Variants in SLC35F1 observed in about 807,000 individuals in gnomAD.
SLC35F1 encodes solute carrier family 35 member F1.
In SLC35F1, 14 loss-of-function variants were observed where a neutral mutation model predicts 48.7. The ratio of observed to expected loss-of-function variants is 0.29; its 90% CI spans 0.19 to 0.45. SLC35F1 has a LOEUF of 0.45. SLC35F1 is among the 20% of genes least tolerant of loss of function. The pLI is 1.00. For synonymous variants in SLC35F1, 190 were observed against 202.2 expected, an observed-to-expected ratio of 0.94 and a Z score of 0.51; for missense variants, 404 against 500.0, an observed-to-expected ratio of 0.81 and a Z score of 1.83.
chr6:117,968,031 G>A (rs1217105518), intron 1 of SLC35F1, among the ~76,000 whole-genome samples: 2 of 152,134 alleles, frequency 1.3e-5, no homozygotes, highest in African/African-American at 2.4e-5. Context: ...AGAGAGATTA[G>A]CATAAGTTCT....
chr6:118,285,010 AG>A (rs902604313), intron 6 of SLC35F1, among the ~76,000 whole-genome samples, 173 bp from the exon 7 acceptor site: 1 of 152,042 alleles, frequency 6.6e-6, no homozygotes, highest in Non-Finnish European at 1.5e-5. Flanking sequence ...TTTTTAATCT[AG>A]TTTAATTTTT....
rs1234948301 is a variant in SLC35F1 at position 118,200,268 on chromosome 6, A to G, written c.350-35241A>G. Among the ~76,000 whole-genome samples the G allele has an allele frequency of 2.6e-5, 4 of 152,206 alleles. No individual in the cohort carries two copies. The East Asian group carries it at 7.7e-4, about 29-fold the overall frequency. ...ACAGATTTTATTCAGGACTATTTCAATAGGAGAAAAGAAACCTCAGTATAG... is the reference window on the plus strand; with the variant it reads ...ACAGATTTTATTCAGGACTATTTCAGTAGGAGAAAAGAAACCTCAGTATAG... On this transcript the variant is annotated intron_variant, in intron 2 of 7. Transcript: ENST00000360388.
intron 1 of SLC35F1, among the ~76,000 whole-genome samples, chr6:117,968,070 G>A (rs1776593411): frequency 6.6e-6 from 1 of 152,144 alleles, no homozygotes; most frequent in South Asian, 2.1e-4. Context: ...AGGTGTTTAT[G>A]TGAATTGTAT....
intron 1 of SLC35F1, among the ~76,000 whole-genome samples, chr6:117,954,777 A>G (rs1388784698): frequency 6.6e-6 from 1 of 152,206 alleles, no homozygotes; most frequent in Non-Finnish European, 1.5e-5. Flanking sequence ...AGATGGTCTG[A>G]TGGTGCCTAA....
chr6:118,283,485 G>C (rs573679628), intron 6 of SLC35F1, among the ~76,000 whole-genome samples: 4 of 152,214 alleles, frequency 2.6e-5, no homozygotes, highest in African/African-American at 9.6e-5. Flanking sequence ...TACCAACAGA[G>C]CCCACAAGTC....
At chr6:117,981,895 C>G (rs1399092481) in intron 1 of SLC35F1, among the ~76,000 whole-genome samples, 1 of 151,930 alleles carries the variant, frequency 6.6e-6, no homozygotes, top group Non-Finnish European at 1.5e-5. Context: ...CCCAAGAAAT[C>G]ATTTTGGGGC....
At chr6:118,138,994 A>ACACT (rs1773841389) in intron 1 of SLC35F1, among the ~76,000 whole-genome samples, 1 of 151,452 alleles carries the variant, frequency 6.6e-6, no homozygotes, top group South Asian at 2.1e-4. Flanking sequence ...ACACACACAC[A>ACACT]CTCAAATGGA....
intron 1 of SLC35F1, among the ~76,000 whole-genome samples, chr6:117,922,104 CT>C (rs35880737): frequency 6.6e-6 from 1 of 152,134 alleles, no homozygotes; most frequent in Non-Finnish European, 1.5e-5. Context: ...CTACAAAGTA[CT>C]TTTTTTCTAA....
intron 2 of SLC35F1, among the ~76,000 whole-genome samples, chr6:118,174,638 A>C (rs1258081987): frequency 6.6e-6 from 1 of 152,152 alleles, no homozygotes; most frequent in Non-Finnish European, 1.5e-5. Flanking sequence ...AAATATTTGA[A>C]GGGATAATAG....
chr6:118,144,967 T>C (rs1242563593), intron 1 of SLC35F1, among the ~76,000 whole-genome samples: 1 of 152,192 alleles, frequency 6.6e-6, no homozygotes, highest in African/African-American at 2.4e-5. Context: ...TGTTGCGGTA[T>C]AATTTACTTA....
intron 1 of SLC35F1, among the ~76,000 whole-genome samples, chr6:118,089,966 T>A (rs893550288): frequency 1.3e-5 from 2 of 152,198 alleles, no homozygotes; most frequent in Non-Finnish European, 2.9e-5. Context: ...TGGTAATGTC[T>A]TGGAAACAGA....
At chr6:117,941,095 T>G (rs1004062298) in intron 1 of SLC35F1, among the ~76,000 whole-genome samples, 4 of 152,178 alleles carry the variant, frequency 2.6e-5, no homozygotes, top group Non-Finnish European at 1.5e-5. Flanking sequence ...GTTTATCTCC[T>G]TCTTCGTTAT....
chr6:118,077,381 A>T (rs1323507377), intron 1 of SLC35F1, among the ~76,000 whole-genome samples: 1 of 152,242 alleles, frequency 6.6e-6, no homozygotes, highest in Non-Finnish European at 1.5e-5. Context: ...CACCCTAGTA[A>T]ATACAAAAAT....
chr6:118,016,149 C>G (rs932826021), intron 1 of SLC35F1, among the ~76,000 whole-genome samples: 2 of 152,166 alleles, frequency 1.3e-5, no homozygotes, highest in Non-Finnish European at 2.9e-5. Flanking sequence ...GAATTCAGCT[C>G]AACCTTTGCT....
In SLC35F1 at chr6:118,025,475, T is replaced by C. The variant is rs116735845; in HGVS notation, c.173+117576T>C. Among the ~76,000 whole-genome samples, 1,401 of 152,288 alleles carry C rather than the reference T, an allele frequency of 9.2e-3. 29 individuals carry two copies. The highest frequency in any genetic ancestry group is 0.032 in the African/African-American group (1,315 of 41,556). On this transcript the variant is annotated intron_variant, in intron 1 of 7. Coordinates refer to ENST00000360388, the MANE Select transcript of SLC35F1 (RefSeq NM_001029858.4). ...TATTTGTCAGATTTTACCAGAAAGT[T>C]ATTCCCCTGTGGTTTCCATGCTGTG...
chr6:118,029,086 C>G (rs2114891130), intron 1 of SLC35F1, among the ~76,000 whole-genome samples: 1 of 151,388 alleles, frequency 6.6e-6, no homozygotes, highest in African/African-American at 2.4e-5. Flanking sequence ...GTCCAGAGAA[C>G]TAGTTGAGGA....
intron 2 of SLC35F1, among the ~76,000 whole-genome samples, chr6:118,196,889 C>T (rs1286149515): frequency 1.3e-5 from 2 of 151,820 alleles, no homozygotes; most frequent in African/African-American, 4.8e-5. Flanking sequence ...ATAAGGGTCC[C>T]ATTTTATTCT....
At chr6:117,970,452 T>G (rs1032028476) in intron 1 of SLC35F1, among the ~76,000 whole-genome samples, 1 of 152,154 alleles carries the variant, frequency 6.6e-6, no homozygotes, top group Non-Finnish European at 1.5e-5. Flanking sequence ...TTTTAAATAG[T>G]GTCTTTTCAG....
In SLC35F1 at chr6:117,907,502, CACGGGCGCGAGGGTGCGCG is replaced by C; in HGVS notation, c.-224_-206del. On this transcript the variant is annotated 5_prime_UTR_variant, in exon 1 of 8. Transcript: ENST00000360388. The stretch of plus-strand genomic sequence containing the variant: ...CCGGGGCGGGCGGCGGCGGCGGCGG[CACGGGCGCGAGGGTGCGCG>C]CACTGGGACTGGAGAGGAGTGAGTG... 3.6e-6 allele frequency: 1 copy of C among 279,078 alleles called. No homozygotes were observed. Among genetic ancestry groups the C allele is most frequent in the Non-Finnish European group, 6.6e-6 (1 of 152,056 alleles). 17.3% of individuals were successfully genotyped at this position (279,078 alleles called of 1,614,324 possible). A position where few individuals can be genotyped will look rare whatever the true frequency, so the allele number is the denominator to read the frequency against.
Sources: allele counts gnomAD v4.1 joint callset (sites outside exome capture counted in the v4.1 genomes callset), GRCh38; gene constraint gnomAD v4.1.1; transcripts MANE v1.5; gene names NCBI Gene and HGNC (gene_info 2026-07-23, HGNC 2026-07-21).